Variants in LRP12 observed in about 807,000 individuals in gnomAD.
The protein encoded by LRP12 is low-density lipoprotein receptor-related protein 12.
In LRP12, 14 loss-of-function variants were observed where a neutral mutation model predicts 66.0. The observed-to-expected ratio is 0.21, with a 90% CI of 0.14 to 0.33. LRP12 has a LOEUF of 0.33. Among genes scored for constraint, LRP12 ranks in the 10% least tolerant of loss-of-function variants. The pLI is 1.00. For missense variants in LRP12, 889 were observed against 1,053.4 expected (o/e 0.84, Z 2.16); for synonymous variants, 357 against 359.1 (o/e 0.99, Z 0.07).
intron 1 of LRP12, among the ~76,000 whole-genome samples, chr8:104,572,627 A>G (rs1320709784): frequency 6.6e-6 from 1 of 152,104 alleles, no homozygotes; most frequent in Non-Finnish European, 1.5e-5. Context: ...AGGAATGACT[A>G]TGGTGATATA....
At chr8:104,508,827 A>G in intron 3 of LRP12, 112 bp downstream of exon 3, 1 of 924,698 alleles carries the variant, frequency 1.1e-6, no homozygotes, top group Non-Finnish European at 1.6e-6. Flanking sequence ...GTTCTTTATT[A>G]CATCTCCTGA....
chr8:104,509,604 C>G (rs762345350), intron 2 of LRP12, among the ~76,000 whole-genome samples: 5 of 152,096 alleles, frequency 3.3e-5, no homozygotes, highest in African/African-American at 1.2e-4. Flanking sequence ...TTATGAATGG[C>G]CTTGAAGCAC....
intron 2 of LRP12, among the ~76,000 whole-genome samples, chr8:104,523,319 TA>T (rs2140855221): frequency 6.6e-6 from 1 of 152,262 alleles, no homozygotes; most frequent in African/African-American, 2.4e-5. Flanking sequence ...TTTACTACCA[TA>T]AAAAATACAC....
At chr8:104,510,291 A>G (rs1810972241) in intron 2 of LRP12, among the ~76,000 whole-genome samples, 1 of 152,190 alleles carries the variant, frequency 6.6e-6, no homozygotes, top group African/African-American at 2.4e-5. Flanking sequence ...CAGTTCTTCA[A>G]TTTATTCCAT....
intron 1 of LRP12, among the ~76,000 whole-genome samples, chr8:104,548,600 A>AATTATATAATTAAATTATATAATT (rs1554710005): frequency 2.7e-4 from 31 of 112,842 alleles, no homozygotes; most frequent in South Asian, 5.3e-4. Flanking sequence ...TATAATATAG[A>AATTATATAATTAAATTATATAATT]ATTATATAAT....
intron 1 of LRP12, among the ~76,000 whole-genome samples, chr8:104,540,176 CTA>C (rs1352998354): frequency 6.6e-5 from 10 of 152,076 alleles, no homozygotes; most frequent in Non-Finnish European, 8.8e-5. Context: ...TCCACACATA[CTA>C]TATGAGGACA....
rs535359704 is a variant in LRP12, at chr8:104,581,532, GA to G, written c.79+7286del. ...CACATGTACTCCTGAACTTAAAAGT[GA>G]AAAAAAAAAAACTAGCCAGATCATG... On this transcript the variant is annotated intron_variant, in intron 1 of 6. Transcript: ENST00000276654. Among the ~76,000 whole-genome samples the G allele has an allele frequency of 6.7e-3, 937 of 140,798 alleles. 9 individuals carry two copies. Among genetic ancestry groups the G allele is most frequent in the Admixed American group, 0.014 (195 of 14,130 alleles). The allele number at this position is 140,798 out of a possible 152,430, so 92.4% of individuals were successfully genotyped here. A position where few individuals can be genotyped will look rare whatever the true frequency, so the allele number is the denominator to read the frequency against.
chr8:104,508,007 C>A (rs1810934121), intron 3 of LRP12: 1 of 152,174 alleles, frequency 6.6e-6, no homozygotes, highest in Non-Finnish European at 1.5e-5. Flanking sequence ...AGTTTATGAT[C>A]TCCAAAGTCT....
At chr8:104,550,556 G>C (rs1811710544) in intron 1 of LRP12, among the ~76,000 whole-genome samples, 1 of 152,052 alleles carries the variant, frequency 6.6e-6, no homozygotes, top group Non-Finnish European at 1.5e-5. Context: ...CCTTACCTTG[G>C]TGAATGACAC....
At position 104,579,102 on chromosome 8, in the gene LRP12, A is replaced by C. The variant is rs772588282; in HGVS notation, c.79+9717T>G. Among the ~76,000 whole-genome samples, 49 of 152,138 alleles carry C rather than the reference A, an allele frequency of 3.2e-4. 1 individual carries two copies. Among genetic ancestry groups the C allele is most frequent in the Non-Finnish European group, 6.9e-4 (47 of 68,040 alleles). ...TTAGGGTAATCAAGCAAAAGAAATA[A>C]ATAAAGCGCATCTAAATAGGAAGAG... is the stretch of plus-strand genomic sequence containing the variant. On this transcript the variant is annotated intron_variant, in intron 1 of 6. Transcript: ENST00000276654.
chr8:104,506,977 T>C (rs1465308440), intron 3 of LRP12: 1 of 152,232 alleles, frequency 6.6e-6, no homozygotes, highest in African/African-American at 2.4e-5. Flanking sequence ...ATTTTCTTTT[T>C]TACCAAGATG....
In LRP12 at chr8:104,520,058, T is replaced by TA. The variant is rs371849068; in HGVS notation, c.137-10985dup. 7.9e-3 allele frequency among the ~76,000 whole-genome samples: 1,120 copies of TA among 141,944 alleles called. 7 individuals carry two copies. The highest frequency in any genetic ancestry group is 0.031 in the Middle Eastern group (9 of 286). 93.1% of individuals were successfully genotyped at this position (141,944 alleles called of 152,430 possible). A position where few individuals can be genotyped will look rare whatever the true frequency, so the allele number is the denominator to read the frequency against. On this transcript the variant is annotated intron_variant, in intron 2 of 6. Coordinates refer to ENST00000276654, the MANE Select transcript of LRP12 (RefSeq NM_013437.5). ...AAAAATATAAAGAGAGAAGGAGAAA[T>TA]AAAAAAAAAACGGGTCATAGCACAG...
chr8:104,560,320 G>A (rs1487035850), intron 1 of LRP12, among the ~76,000 whole-genome samples: 1 of 152,072 alleles, frequency 6.6e-6, no homozygotes, highest in Admixed American at 6.6e-5. Flanking sequence ...ACCAAGACCA[G>A]AAGATACAGA....
At position 104,499,468 on chromosome 8, in the gene LRP12, C is replaced by T; in HGVS notation, c.324G>A (p.Leu108=). 1.2e-6 allele frequency: 2 copies of T among 1,613,336 alleles called. No homozygotes were observed. Among genetic ancestry groups the T allele is most frequent in the Non-Finnish European group, 8.5e-7 (1 of 1,179,698 alleles). ...CAATATTCTTGTATGTTTCTATTGT[C>T]AACCAGTCCAAATTGCACCTTCTGG... ...QGSRRCNLDW[L]TIETYKNIES... The change falls in exon 4 of 7, where the codon TTG becomes TTA. Residue 108 remains leucine, a synonymous_variant. Transcript: ENST00000276654.
chr8:104,587,776 A>G (rs1203482870), intron 1 of LRP12, among the ~76,000 whole-genome samples: 2 of 152,240 alleles, frequency 1.3e-5, no homozygotes, highest in African/African-American at 4.8e-5. Flanking sequence ...TTTGTGGCAA[A>G]TGAATTAGAC....
chr8:104,561,909 C>G (rs1339013895), intron 1 of LRP12, among the ~76,000 whole-genome samples: 1 of 152,088 alleles, frequency 6.6e-6, no homozygotes, highest in Admixed American at 6.6e-5. Context: ...GTCATTCATC[C>G]AATGACCCTT....
chr8:104,520,518 T>A (rs918503639), intron 2 of LRP12, among the ~76,000 whole-genome samples: 2 of 151,970 alleles, frequency 1.3e-5, no homozygotes, highest in African/African-American at 4.8e-5. Flanking sequence ...TTTGACATAG[T>A]TTTTAGTATA....
intron 2 of LRP12, among the ~76,000 whole-genome samples, chr8:104,525,507 A>T (rs1811220785): frequency 6.6e-6 from 1 of 152,202 alleles, no homozygotes; most frequent in Non-Finnish European, 1.5e-5. Flanking sequence ...ATTAGAAATT[A>T]GTAATTCCCC....
chr8:104,545,609 G>T (rs1173466191), intron 1 of LRP12, among the ~76,000 whole-genome samples: 1 of 152,114 alleles, frequency 6.6e-6, no homozygotes, highest in Non-Finnish European at 1.5e-5. Flanking sequence ...ATTGTAACTT[G>T]TTAAAGGCTC....
Sources: allele counts gnomAD v4.1 joint callset (sites outside exome capture counted in the v4.1 genomes callset), GRCh38; gene constraint gnomAD v4.1.1; transcripts MANE v1.5; gene names NCBI Gene and HGNC (gene_info 2026-07-23, HGNC 2026-07-21).